ARHGAP40: variants seen among roughly 807,000 people sequenced by gnomAD.
ARHGAP40 encodes Rho GTPase activating protein 40, also known as rho GTPase-activating protein 40.
In ARHGAP40, 43 loss-of-function variants were observed where a neutral mutation model predicts 73.5. The observed-to-expected ratio is 0.58, with a 90% CI of 0.46 to 0.75. The LOEUF is 0.75. ARHGAP40 is among the 30% of genes least tolerant of loss of function. ARHGAP40 has a pLI of 0.00. For missense variants in ARHGAP40, 734 were observed against 861.8 expected, an observed-to-expected ratio of 0.85 and a Z score of 1.86; for synonymous variants, 300 against 352.8, an observed-to-expected ratio of 0.85 and a Z score of 1.68.
At chr20:38,634,180 T>C (rs999308168) in intron 5 of ARHGAP40, among the ~76,000 whole-genome samples, 3 of 152,048 alleles carry the variant, frequency 2.0e-5, no homozygotes, top group Non-Finnish European at 2.9e-5. Flanking sequence ...AGAGAAACCC[T>C]GTCTCTACAA....
intron 10 of ARHGAP40, among the ~76,000 whole-genome samples, chr20:38,642,305 G>C (rs990332439): frequency 2.0e-5 from 3 of 152,168 alleles, no homozygotes; most frequent in Non-Finnish European, 4.4e-5. Flanking sequence ...TCTCCTTGTC[G>C]TATGGGAATG....
chr20:38,620,846 G>A (rs919764858), intron 1 of ARHGAP40, among the ~76,000 whole-genome samples: 8 of 152,334 alleles, frequency 5.3e-5, no homozygotes, highest in Non-Finnish European at 1.2e-4. Flanking sequence ...TTTAGGACTC[G>A]GAGTTGAGCT....
chr20:38,605,271 T>C (rs2088764307), intron 1 of ARHGAP40, among the ~76,000 whole-genome samples: 1 of 152,170 alleles, frequency 6.6e-6, no homozygotes, highest in African/African-American at 2.4e-5. Flanking sequence ...GTGATGGATA[T>C]GAGGGTGTGG....
intron 10 of ARHGAP40, 95 bp downstream of exon 10, chr20:38,641,903 A>T: frequency 1.0e-6 from 1 of 962,662 alleles, no homozygotes; most frequent in Non-Finnish European, 1.4e-6. Context: ...CATTCATTCA[A>T]CAACTCTGCC....
At chr20:38,630,082 T>TTCTTTC (rs1263777387) in intron 5 of ARHGAP40, among the ~76,000 whole-genome samples, 40 of 90,754 alleles carry the variant, frequency 4.4e-4, no homozygotes, top group African/African-American at 1.2e-3. Context: ...CTTTCTTTCT[T>TTCTTTC]TTTCTTTCTT....
chr20:38,642,346 C>T (rs567804009), intron 10 of ARHGAP40, among the ~76,000 whole-genome samples: 1 of 152,296 alleles, frequency 6.6e-6, no homozygotes, highest in East Asian at 1.9e-4. Flanking sequence ...CTCCCTGTAC[C>T]GTCTTGACTG....
intron 3 of ARHGAP40, among the ~76,000 whole-genome samples, chr20:38,628,139 A>C (rs972712845): frequency 6.6e-6 from 1 of 152,188 alleles, no homozygotes; most frequent in Non-Finnish European, 1.5e-5. Flanking sequence ...CATGCAAATT[A>C]AGGGGTGAGT....
exon 13 of ARHGAP40, chr20:38,647,091 A>G (rs1348373217): frequency 7.7e-7 from 1 of 1,305,218 alleles, no homozygotes; most frequent in East Asian, 5.6e-5. Flanking sequence ...CCAAGGGTCA[A>G]GAAGACAGTG....
chr20:38,618,465 C>A (rs2088856229), intron 1 of ARHGAP40, among the ~76,000 whole-genome samples: 1 of 152,136 alleles, frequency 6.6e-6, no homozygotes, highest in Non-Finnish European at 1.5e-5. Flanking sequence ...TGGCACATAA[C>A]AACCATCATT....
At chr20:38,612,895 C>G (rs1025042257) in intron 1 of ARHGAP40, among the ~76,000 whole-genome samples, 3 of 152,060 alleles carry the variant, frequency 2.0e-5, no homozygotes, top group African/African-American at 7.2e-5. Context: ...TAATCTTGTT[C>G]GAAGGAAGGA....
rs1032545347 is a variant in ARHGAP40 at position 38,634,711 on chromosome 20, T to C, written c.875T>C (p.Ile292Thr). The change falls in exon 6 of 15, where the codon ATA becomes ACA. Residue 292 changes from isoleucine (I) to threonine (T), a missense_variant. Physicochemically the swap from Ile to Thr is moderately conservative, Grantham distance 89 (BLOSUM62 -1). Coordinates refer to ENST00000373345, the Ensembl canonical transcript of ARHGAP40. ...AGGAAGGTACCTTCTCTGGCCCTCA[T>C]AGAGCTGACCGCGCTCTGTGACATC... 5 of 1,305,198 alleles carry C rather than the reference T, an allele frequency of 3.8e-6. No homozygotes were observed. In the African/African-American group the frequency reaches 6.1e-5, roughly 16 times the overall value. 80.9% of individuals were successfully genotyped at this position (1,305,198 alleles called of 1,614,324 possible).
At position 38,646,863 on chromosome 20, in the gene ARHGAP40, G is replaced by GT; in HGVS notation, c.1711-93dup. On this transcript the variant is annotated intron_variant, in intron 12 of 14. Transcript: ENST00000373345. The surrounding 1 kb of genome is among the most constrained non-coding windows in gnomAD (Gnocchi z 4.5). ...TGTGATTTTCAGCGTGGGCATTTGCGTAAGTGCCATGTATGCGTGTTTATG... is the reference window on the plus strand; with the variant it reads ...TGTGATTTTCAGCGTGGGCATTTGCGTTAAGTGCCATGTATGCGTGTTTATG... 1 of 1,154,364 alleles carries GT rather than the reference G, an allele frequency of 8.7e-7. No individual in the cohort carries two copies. 71.5% of individuals were successfully genotyped at this position (1,154,364 alleles called of 1,614,324 possible). A position where few individuals can be genotyped will look rare whatever the true frequency, so the allele number is the denominator to read the frequency against.
exon 4 of ARHGAP40, chr20:38,628,935 G>T: frequency 1.5e-6 from 2 of 1,304,508 alleles, no homozygotes; most frequent in South Asian, 1.2e-5. Context: ...AGAAAATGTC[G>T]TCAGAGAATG....
At chr20:38,642,077 G>A (rs1183271638) in intron 10 of ARHGAP40, among the ~76,000 whole-genome samples, 1 of 152,170 alleles carries the variant, frequency 6.6e-6, no homozygotes, top group South Asian at 2.1e-4. Context: ...GCATGGATGG[G>A]TAAACACAGA....
chr20:38,640,449 T>C (rs772910486), intron 9 of ARHGAP40, among the ~76,000 whole-genome samples: 3 of 152,154 alleles, frequency 2.0e-5, no homozygotes, highest in Non-Finnish European at 4.4e-5. Flanking sequence ...GTCAAACTCC[T>C]GGCCTCAAGC....
intron 9 of ARHGAP40, among the ~76,000 whole-genome samples, chr20:38,640,716 C>G (rs1403759304): frequency 1.3e-5 from 2 of 152,080 alleles, no homozygotes; most frequent in African/African-American, 4.8e-5. Context: ...TTGCTGTTCC[C>G]CCTCCTCTTT....
intron 10 of ARHGAP40, among the ~76,000 whole-genome samples, chr20:38,642,304 C>T (rs534259957): frequency 3.5e-4 from 54 of 152,306 alleles, no homozygotes; most frequent in African/African-American, 1.3e-3. Context: ...TTCTCCTTGT[C>T]GTATGGGAAT....
At chr20:38,634,569 C>T in intron 5 of ARHGAP40, 51 bp from the exon 6 acceptor site, 1 of 1,291,120 alleles carries the variant, frequency 7.7e-7, no homozygotes, top group Non-Finnish European at 1.0e-6. Flanking sequence ...CCAAAATACA[C>T]ATCAGACTCA....
intron 1 of ARHGAP40, chr20:38,615,343 TACTTC>T: frequency 1.3e-6 from 1 of 768,348 alleles, no homozygotes; most frequent in Non-Finnish European, 2.4e-6. Context: ...GCCACGGGGG[TACTTC>T]CACTGGTAAA....
Sources: allele counts gnomAD v4.1 joint callset (sites outside exome capture counted in the v4.1 genomes callset), GRCh38; gene constraint gnomAD v4.1.1; non-coding constraint Gnocchi (gnomAD v3.1); transcripts MANE v1.5; gene names NCBI Gene and HGNC (gene_info 2026-07-23, HGNC 2026-07-21).